Variants in PEBP4 observed in about 807,000 individuals in gnomAD.
PEBP4 encodes the protein phosphatidylethanolamine-binding protein 4.
In PEBP4, 22 loss-of-function variants were observed where a neutral mutation model predicts 23.9. That is an observed-to-expected ratio of 0.92 (90% confidence interval 0.66 to 1.31). The LOEUF (loss-of-function observed/expected upper bound fraction) is 1.31, where lower values mean the gene tolerates loss of function less well. Among genes scored for constraint, PEBP4 ranks in the 40% most tolerant of loss-of-function variants. The pLI is 0.00. For missense variants in PEBP4, 324 were observed against 281.7 expected (o/e 1.15, Z -1.07); for synonymous variants, 112 against 99.3 (o/e 1.13, Z -0.76).
intron 3 of PEBP4, among the ~76,000 whole-genome samples, chr8:22,836,591 G>C (rs979004960): frequency 2.0e-5 from 3 of 152,244 alleles, no homozygotes; most frequent in Admixed American, 1.3e-4. Flanking sequence ...GGCTGGGGAA[G>C]GAACGCTCTC....
intron 4 of PEBP4, among the ~76,000 whole-genome samples, chr8:22,752,722 GT>G (rs1805294875): frequency 6.6e-6 from 1 of 152,208 alleles, no homozygotes; most frequent in Non-Finnish European, 1.5e-5. Flanking sequence ...GCAGCAGCTG[GT>G]TCCCACCAAG....
chr8:22,758,319 G>C (rs1805434251), intron 4 of PEBP4: 2 of 152,304 alleles, frequency 1.3e-5, no homozygotes, highest in Middle Eastern at 3.4e-3. Context: ...GTGGCCCCGT[G>C]GTTCGGCAAA....
chr8:22,912,904 T>G (rs1194541110), intron 3 of PEBP4, among the ~76,000 whole-genome samples: 1 of 152,168 alleles, frequency 6.6e-6, no homozygotes, highest in Non-Finnish European at 1.5e-5. Context: ...CTGCGCGCCC[T>G]CCTCACCTGC....
At chr8:22,900,424 G>A (rs968304778) in intron 3 of PEBP4, among the ~76,000 whole-genome samples, 4 of 152,112 alleles carry the variant, frequency 2.6e-5, no homozygotes, top group South Asian at 2.1e-4. Context: ...TGAGGTGGGC[G>A]GATCACTTGA....
chr8:22,835,119 C>A (rs147527270), intron 3 of PEBP4, among the ~76,000 whole-genome samples: 1 of 152,146 alleles, frequency 6.6e-6, no homozygotes, highest in African/African-American at 2.4e-5. Flanking sequence ...TGGATTCCAG[C>A]CCCAGTTCTA....
chr8:22,917,817 TG>T (rs1416275031), intron 3 of PEBP4, among the ~76,000 whole-genome samples: 1 of 152,176 alleles, frequency 6.6e-6, no homozygotes, highest in Non-Finnish European at 1.5e-5. Flanking sequence ...TTTTAATGGA[TG>T]GAAAACCCTA....
chr8:22,828,052 TA>T (rs1252186993), intron 3 of PEBP4, among the ~76,000 whole-genome samples: 1 of 152,240 alleles, frequency 6.6e-6, no homozygotes, highest in African/African-American at 2.4e-5. Context: ...CTTGCCCATT[TA>T]AAAATTGGAT....
intron 4 of PEBP4, among the ~76,000 whole-genome samples, chr8:22,751,630 CTGTGTGTGTGTGTG>C (rs66800038): frequency 7.3e-6 from 1 of 137,584 alleles, no homozygotes; most frequent in Non-Finnish European, 1.5e-5. Context: ...GTGTGTGTCT[CTGTGTGTGTGTGTG>C]TGTGTGTGTG....
Position 22,801,700 on chromosome 8 carries a change from C to T in PEBP4, c.357+15937G>A, listed in dbSNP as rs547288731. On this transcript the variant is annotated intron_variant, in intron 4 of 6. Coordinates refer to ENST00000256404, the MANE Select transcript of PEBP4 (RefSeq NM_144962.3). The stretch of plus-strand genomic sequence containing the variant: ...GCACACGTAGATGGGCATCTACACA[C>T]ATGCAATGCACACATGCATGCACAC... Among the ~76,000 whole-genome samples the T allele has an allele frequency of 5.9e-5, 9 of 152,214 alleles. No individual in the cohort carries two copies. In the South Asian group the frequency reaches 1.9e-3, roughly 32 times the overall value.
rs73672922 is a variant in PEBP4 at position 22,846,670 on chromosome 8, C to A, written c.259-28935G>T. Among the ~76,000 whole-genome samples, 1,418 of 152,276 alleles carry A rather than the reference C, an allele frequency of 9.3e-3. 30 individuals are homozygous for A. The highest frequency in any genetic ancestry group is 0.033 in the African/African-American group (1,361 of 41,542). On this transcript the variant is annotated intron_variant, in intron 3 of 6. Transcript: ENST00000256404. Reference sequence around the variant, plus strand: ...TCCCCAAAGCATCTCAACTCCACTCCCTCATGAGGTTGAACCCACTGGGCC... The same window carrying A: ...TCCCCAAAGCATCTCAACTCCACTCACTCATGAGGTTGAACCCACTGGGCC...
At chr8:22,734,072 G>A (rs1804798720) in intron 4 of PEBP4, among the ~76,000 whole-genome samples, 1 of 152,256 alleles carries the variant, frequency 6.6e-6, no homozygotes, top group Admixed American at 6.5e-5. Flanking sequence ...ACAGCTGCCT[G>A]CAGGCTGCCA....
chr8:22,914,488 C>T (rs1292569881), intron 3 of PEBP4, among the ~76,000 whole-genome samples: 1 of 152,158 alleles, frequency 6.6e-6, no homozygotes, highest in African/African-American at 2.4e-5. Flanking sequence ...GAGTAGCCTA[C>T]TCCATGGGAT....
intron 4 of PEBP4, among the ~76,000 whole-genome samples, chr8:22,759,198 A>G (rs1008719295): frequency 6.6e-6 from 1 of 152,086 alleles, no homozygotes; most frequent in African/African-American, 2.4e-5. Context: ...TGTTGCTGTC[A>G]GGGGTGGGGG....
Position 22,860,185 on chromosome 8 carries a change from T to C in PEBP4, c.259-42450A>G, listed in dbSNP as rs62495019. On this transcript the variant is annotated intron_variant, in intron 3 of 6. Coordinates refer to ENST00000256404, the MANE Select transcript of PEBP4 (RefSeq NM_144962.3). The stretch of plus-strand genomic sequence containing the variant: ...ATATATATGTATATATATATACACA[T>C]ATATATGTATATATATATATACACA... Among the ~76,000 whole-genome samples, 11 of 52,672 alleles carry C rather than the reference T, an allele frequency of 2.1e-4. No homozygotes were observed. The East Asian group carries it at 0.016, about 75-fold the overall frequency. 34.6% of individuals were successfully genotyped at this position (52,672 alleles called of 152,430 possible).
At chr8:22,719,201 T>C (rs2128747925) in intron 6 of PEBP4, among the ~76,000 whole-genome samples, 1 of 152,356 alleles carries the variant, frequency 6.6e-6, no homozygotes, top group South Asian at 2.1e-4. Context: ...GTTTCCCCTC[T>C]GAGGGCCCTG....
intron 4 of PEBP4, among the ~76,000 whole-genome samples, chr8:22,760,605 G>A (rs1369737032): frequency 1.3e-5 from 2 of 152,236 alleles, no homozygotes; most frequent in East Asian, 3.9e-4. Context: ...GTGTGTGTGT[G>A]GTGGGTGCAG....
intron 4 of PEBP4, among the ~76,000 whole-genome samples, chr8:22,785,415 C>A (rs1018182752): frequency 6.6e-6 from 1 of 152,114 alleles, no homozygotes; most frequent in Non-Finnish European, 1.5e-5. Flanking sequence ...ACGGCCATTT[C>A]GAGACCCCAG....
chr8:22,836,560 G>A (rs1378395496), intron 3 of PEBP4, among the ~76,000 whole-genome samples: 1 of 152,226 alleles, frequency 6.6e-6, no homozygotes, highest in African/African-American at 2.4e-5. Flanking sequence ...AGTCCCTCTA[G>A]AGCATCTGCC....
chr8:22,924,744 G>T, intron 2 of PEBP4: 1 of 985,352 alleles, frequency 1.0e-6, no homozygotes, highest in African/African-American at 1.7e-5. Context: ...TCACCTCCTG[G>T]CTGCAGGTTT....
Sources: allele counts gnomAD v4.1 joint callset (sites outside exome capture counted in the v4.1 genomes callset), GRCh38; gene constraint gnomAD v4.1.1; transcripts MANE v1.5; gene names NCBI Gene and HGNC (gene_info 2026-07-23, HGNC 2026-07-21).